RAD54B: variants seen among roughly 807,000 people sequenced by gnomAD.
RAD54B encodes the protein DNA repair and recombination protein RAD54B.
RAD54B carries 78 observed loss-of-function variants against 95.8 expected under a neutral mutation model. That is an observed-to-expected ratio of 0.81 (90% confidence interval 0.68 to 0.98). The LOEUF (loss-of-function observed/expected upper bound fraction) is 0.98, where lower values mean the gene tolerates loss of function less well. RAD54B is among the 50% of genes least tolerant of loss of function. RAD54B has a pLI of 0.00. For missense variants in RAD54B, 957 were observed against 1,056.6 expected (o/e 0.91, Z 1.31); for synonymous variants, 328 against 354.9 (o/e 0.92, Z 0.85).
At chr8:94,377,232 T>C (rs529985045) in intron 14 of RAD54B, among the ~76,000 whole-genome samples, 72 of 152,132 alleles carry the variant, frequency 4.7e-4, no homozygotes, top group Admixed American at 3.5e-3. Flanking sequence ...GAAAGAGAAA[T>C]AGGGATTAAA....
chr8:94,394,890 T>G (rs779698490), intron 8 of RAD54B, among the ~76,000 whole-genome samples: 1 of 152,166 alleles, frequency 6.6e-6, no homozygotes, highest in Admixed American at 6.5e-5. Flanking sequence ...TCCCTAAAAC[T>G]TAATGGGTCC....
intron 11 of RAD54B, among the ~76,000 whole-genome samples, chr8:94,384,876 G>A (rs945377794): frequency 1.3e-5 from 2 of 152,186 alleles, no homozygotes; most frequent in African/African-American, 4.8e-5. Context: ...ACTGAGGTAC[G>A]CAGATTGCTT....
chr8:94,448,791 C>T (rs550264020), intron 3 of RAD54B, among the ~76,000 whole-genome samples: 11 of 150,950 alleles, frequency 7.3e-5, no homozygotes, highest in African/African-American at 2.4e-4. Flanking sequence ...GAGAGGAAAT[C>T]GGGAGATACG....
rs71273330 is a variant in RAD54B, at chr8:94,377,545, GAAAAAAAAAAAAAAA to G, written c.2515+620_2515+634del. ...AGCAACAGAGCCAGACCCTGTCTTG[GAAAAAAAAAAAAAAA>G]AAAAAAAAAAAAAAAAAAAAACTCT... On this transcript the variant is annotated intron_variant, in intron 14 of 14. Coordinates refer to ENST00000336148, the MANE Select transcript of RAD54B (RefSeq NM_012415.3). 2.7e-3 allele frequency among the ~76,000 whole-genome samples: 190 copies of G among 70,584 alleles called. 2 individuals carry two copies. Among genetic ancestry groups the G allele is most frequent in the Middle Eastern group, 6.5e-3 (1 of 154 alleles). 46.3% of individuals were successfully genotyped at this position (70,584 alleles called of 152,430 possible).
intron 1 of RAD54B, among the ~76,000 whole-genome samples, chr8:94,473,551 A>AGAACAAAAC (rs1459576365): frequency 3.1e-4 from 47 of 152,334 alleles, no homozygotes; most frequent in Non-Finnish European, 5.6e-4. Flanking sequence ...GACACATAGT[A>AGAACAAAAC]AGCACTCAAT....
intron 10 of RAD54B, among the ~76,000 whole-genome samples, chr8:94,388,635 T>C (rs1810947558): frequency 6.6e-6 from 1 of 152,234 alleles, no homozygotes; most frequent in African/African-American, 2.4e-5. Context: ...AGAAACACTT[T>C]AAGGGCAGTG....
In RAD54B at chr8:94,408,309, C is replaced by T. The variant is rs575223895; in HGVS notation, c.500-589G>A. On this transcript the variant is annotated intron_variant, in intron 4 of 14. Transcript: ENST00000336148. ...TTTGATGAACATTTATTAAGTGTTGCTGTGTAAAGGTGCTGATGAAATATA... is the reference window on the plus strand; with the variant it reads ...TTTGATGAACATTTATTAAGTGTTGTTGTGTAAAGGTGCTGATGAAATATA... Among the ~76,000 whole-genome samples the T allele has an allele frequency of 1.0e-3, 159 of 152,158 alleles. 1 individual carries two copies. The highest frequency in any genetic ancestry group is 3.4e-3 in the African/African-American group (143 of 41,524).
intron 4 of RAD54B, among the ~76,000 whole-genome samples, chr8:94,408,556 G>T (rs1411380427): frequency 1.3e-5 from 2 of 152,048 alleles, no homozygotes; most frequent in East Asian, 3.8e-4. Context: ...CCCTTTTCAA[G>T]TAGTTGAAAA....
chr8:94,384,946 T>A (rs1429073459), intron 11 of RAD54B, among the ~76,000 whole-genome samples: 1 of 151,976 alleles, frequency 6.6e-6, no homozygotes, highest in Non-Finnish European at 1.5e-5. Context: ...TCTACAAAAA[T>A]ACAAAAATTA....
intron 3 of RAD54B, among the ~76,000 whole-genome samples, chr8:94,413,759 C>T (rs957571918): frequency 1.3e-5 from 2 of 151,818 alleles, no homozygotes; most frequent in Non-Finnish European, 2.9e-5. Context: ...AAAAGGGAAG[C>T]CACTGGCTGG....
intron 12 of RAD54B, among the ~76,000 whole-genome samples, 193 bp downstream of exon 12, chr8:94,379,952 G>A (rs1261440641): frequency 6.6e-6 from 1 of 152,088 alleles, no homozygotes; most frequent in Non-Finnish European, 1.5e-5. Context: ...CTGTAAAATG[G>A]GACTACTAAT....
chr8:94,468,835 AAAGAT>A (rs1813095526), intron 1 of RAD54B, among the ~76,000 whole-genome samples: 2 of 152,054 alleles, frequency 1.3e-5, no homozygotes, highest in African/African-American at 2.4e-5. Context: ...TCAAAAAAAA[AAAGAT>A]AAGAGGAGCT....
At chr8:94,403,356 A>T (rs1026922938) in intron 6 of RAD54B, among the ~76,000 whole-genome samples, 1 of 152,142 alleles carries the variant, frequency 6.6e-6, no homozygotes, top group Non-Finnish European at 1.5e-5. Context: ...CTATTTTCAG[A>T]TGTAGAGACA....
At chr8:94,426,066 C>T (rs958257116) in intron 3 of RAD54B, among the ~76,000 whole-genome samples, 3 of 152,058 alleles carry the variant, frequency 2.0e-5, no homozygotes, top group African/African-American at 7.2e-5. Context: ...AATTTTCCTG[C>T]CTCAGCCTCC....
chr8:94,404,147 G>C lies in RAD54B; in HGVS notation c.874C>G (p.Leu292Val). The C allele has an allele frequency of 6.2e-7, 1 of 1,610,570 alleles. No individual in the cohort carries two copies. Among genetic ancestry groups the C allele is most frequent in the African/African-American group, 1.3e-5 (1 of 74,902 alleles). Residue 292 changes from leucine to valine, a missense_variant, in exon 6 of 15, where the codon CTT becomes GTT. Physicochemically the swap from Leu to Val is conservative, Grantham distance 32. Coordinates refer to ENST00000336148, the MANE Select transcript of RAD54B (RefSeq NM_012415.3). ...TGATGTGGTCGAAGATGATATACAA[G>C]GTAAGGATCAATCACTACATCCACA... ...PLVDVVIDPY[L>V]VYHLRPHQKE... is the part of the protein sequence containing the mutation.
chr8:94,434,541 G>A (rs977403984), intron 3 of RAD54B, among the ~76,000 whole-genome samples: 15 of 151,704 alleles, frequency 9.9e-5, no homozygotes, highest in African/African-American at 3.1e-4. Flanking sequence ...GTATGTTAAC[G>A]CAAACACTAG....
intron 2 of RAD54B, among the ~76,000 whole-genome samples, chr8:94,458,703 C>T (rs912956756): frequency 2.0e-5 from 3 of 151,992 alleles, no homozygotes; most frequent in African/African-American, 4.8e-5. Flanking sequence ...ACTGTCTCTA[C>T]TAAAAATATA....
intron 10 of RAD54B, among the ~76,000 whole-genome samples, chr8:94,389,067 C>A (rs938653729): frequency 3.9e-5 from 6 of 152,202 alleles, no homozygotes; most frequent in African/African-American, 1.4e-4. Context: ...GAAAGTCAAA[C>A]CACTAACAGA....
chr8:94,409,110 A>C (rs1811466521), intron 4 of RAD54B, among the ~76,000 whole-genome samples: 2 of 151,864 alleles, frequency 1.3e-5, no homozygotes, highest in Non-Finnish European at 2.9e-5. Flanking sequence ...TAGCACCTCT[A>C]TCTTTACATT....
Sources: allele counts gnomAD v4.1 joint callset (sites outside exome capture counted in the v4.1 genomes callset), GRCh38; gene constraint gnomAD v4.1.1; transcripts MANE v1.5; gene names NCBI Gene and HGNC (gene_info 2026-07-23, HGNC 2026-07-21).